The following ZNF385B variants were observed in gnomAD, a reference collection of about 807,000 sequenced individuals.
The protein encoded by ZNF385B is zinc finger protein 533.
A neutral mutation model predicts 39.2 loss-of-function variants in ZNF385B; 23 were observed. That is an observed-to-expected ratio of 0.59 (90% confidence interval 0.42 to 0.83). The LOEUF is 0.83. Among genes scored for constraint, ZNF385B ranks in the 40% least tolerant of loss-of-function variants. The probability of loss-of-function intolerance (pLI) is 0.00; values close to 1 mark genes in which losing one functional copy is unlikely to be tolerated. For missense variants in ZNF385B, 552 were observed against 598.9 expected (o/e 0.92, Z 0.82); for synonymous variants, 205 against 222.6 (o/e 0.92, Z 0.70).
intron 1 of ZNF385B, among the ~76,000 whole-genome samples, chr2:179,772,219 T>C (rs1223834848): frequency 6.6e-6 from 1 of 152,214 alleles, no homozygotes; most frequent in African/African-American, 2.4e-5. Flanking sequence ...GGAAGAAAGA[T>C]ATCTTCCATA....
At chr2:179,595,444 G>A (rs768572375) in intron 3 of ZNF385B, among the ~76,000 whole-genome samples, 8 of 152,068 alleles carry the variant, frequency 5.3e-5, no homozygotes, top group Non-Finnish European at 1.2e-4. Flanking sequence ...GCTAAAATAG[G>A]TCACATGGGC....
intron 5 of ZNF385B, among the ~76,000 whole-genome samples, chr2:179,492,838 G>C (rs2055393108): frequency 6.6e-6 from 1 of 151,986 alleles, no homozygotes; most frequent in Non-Finnish European, 1.5e-5. Context: ...ATAACTAAGA[G>C]AAAATAATGA....
chr2:179,532,125 T>C (rs757813865), intron 4 of ZNF385B, among the ~76,000 whole-genome samples: 7 of 152,230 alleles, frequency 4.6e-5, no homozygotes, highest in African/African-American at 7.2e-5. Flanking sequence ...ATTTGATTTA[T>C]AATTATTCTC....
chr2:179,859,784 G>C (rs1183559031), intron 1 of ZNF385B, among the ~76,000 whole-genome samples: 1 of 152,136 alleles, frequency 6.6e-6, no homozygotes, highest in Non-Finnish European at 1.5e-5. Context: ...TTGCAATGCT[G>C]TATTTTGCAT....
At chr2:179,636,587 C>T (rs3112945) in intron 3 of ZNF385B, among the ~76,000 whole-genome samples, 19,887 of 152,160 alleles carry the variant, frequency 0.13, 2,105 homozygotes, top group African/African-American at 0.29. Context: ...ACACACTTCT[C>T]AGGCCCTCTC....
intron 3 of ZNF385B, among the ~76,000 whole-genome samples, chr2:179,587,871 A>G (rs575166440): frequency 1.3e-4 from 20 of 152,186 alleles, no homozygotes; most frequent in Non-Finnish European, 2.6e-4. Flanking sequence ...TTCTCCTAAT[A>G]ATAAGTCCCG....
intron 5 of ZNF385B, among the ~76,000 whole-genome samples, chr2:179,496,258 G>GA (rs2056191565): frequency 6.6e-6 from 1 of 152,064 alleles, no homozygotes; most frequent in Admixed American, 6.5e-5. Flanking sequence ...TAGTGAGCTT[G>GA]AAAATGGGCT....
At chr2:179,540,569 G>T (rs2059857510) in intron 4 of ZNF385B, among the ~76,000 whole-genome samples, 2 of 152,142 alleles carry the variant, frequency 1.3e-5, no homozygotes, top group Admixed American at 1.3e-4. Context: ...TCTTAGAAGG[G>T]ACTCATAAAT....
chr2:179,737,679 A>G (rs1701847909), intron 3 of ZNF385B, among the ~76,000 whole-genome samples: 1 of 152,250 alleles, frequency 6.6e-6, no homozygotes, highest in South Asian at 2.1e-4. Context: ...ATTTCTGATT[A>G]CATCATATTC....
rs979179277 is a variant in ZNF385B at position 179,617,217 on chromosome 2, G to A, written c.299-72248C>T. ...TCAAATAGAAGACTTCTGAGTCTCC[G>A]GTTAATAATTGATTTAAAAAATATT... On this transcript the variant is annotated intron_variant, in intron 3 of 9. Coordinates refer to ENST00000410066, the MANE Select transcript of ZNF385B (RefSeq NM_152520.6). Among the ~76,000 whole-genome samples, 42 of 152,132 alleles carry A rather than the reference G, an allele frequency of 2.8e-4. 1 individual carries two copies. Among genetic ancestry groups the A allele is most frequent in the African/African-American group, 1.0e-3 (42 of 41,430 alleles).
intron 3 of ZNF385B, among the ~76,000 whole-genome samples, chr2:179,632,120 C>A (rs981737739): frequency 2.6e-5 from 4 of 152,204 alleles, no homozygotes; most frequent in Non-Finnish European, 4.4e-5. Context: ...TAACACCCCA[C>A]TGTCAATATT....
chr2:179,449,145 T>C (rs2049816130), intron 6 of ZNF385B, among the ~76,000 whole-genome samples: 1 of 152,082 alleles, frequency 6.6e-6, no homozygotes, highest in African/African-American at 2.4e-5. Flanking sequence ...ATAAGAAAAT[T>C]ACAGCATAGC....
chr2:179,473,670 C>T (rs750462227), intron 6 of ZNF385B, among the ~76,000 whole-genome samples: 15 of 152,172 alleles, frequency 9.9e-5, no homozygotes, highest in African/African-American at 3.6e-4. Flanking sequence ...TCATCCCCCC[C>T]CATTGCCCCT....
chr2:179,656,195 A>G (rs1693742199), intron 3 of ZNF385B, among the ~76,000 whole-genome samples: 1 of 152,134 alleles, frequency 6.6e-6, no homozygotes, highest in African/African-American at 2.4e-5. Flanking sequence ...ATGTAAAAAG[A>G]TGCAACAAAT....
rs543632612 is a variant in ZNF385B, at chr2:179,449,575, G to C, written c.716-2805C>G. 1.9e-3 allele frequency among the ~76,000 whole-genome samples: 293 copies of C among 152,010 alleles called. 1 individual carries two copies. Among genetic ancestry groups the C allele is most frequent in the African/African-American group, 6.4e-3 (266 of 41,462 alleles). On this transcript the variant is annotated intron_variant, in intron 6 of 9. Transcript: ENST00000410066. ...TGAAGGACCTCTTCAAGGAGAACTA[G>C]AAACCACTGCTCAATGAAATAAAAG...
intron 3 of ZNF385B, among the ~76,000 whole-genome samples, chr2:179,632,726 A>G (rs1386065327): frequency 6.6e-6 from 1 of 152,196 alleles, no homozygotes; most frequent in Non-Finnish European, 1.5e-5. Context: ...AGAGATGGAG[A>G]CACAAAAAAA....
At chr2:179,663,567 G>A (rs866364142) in intron 3 of ZNF385B, among the ~76,000 whole-genome samples, 1 of 151,950 alleles carries the variant, frequency 6.6e-6, no homozygotes, top group African/African-American at 2.4e-5. Context: ...AAAATTAGAC[G>A]GGCGTGGTGG....
At chr2:179,633,232 C>A (rs373974591) in intron 3 of ZNF385B, among the ~76,000 whole-genome samples, 2 of 152,160 alleles carry the variant, frequency 1.3e-5, no homozygotes, top group African/African-American at 4.8e-5. Context: ...ATACCAAAGT[C>A]TGGCAGAGAC....
rs547738843 is a variant in ZNF385B at position 179,533,161 on chromosome 2, C to A, written c.441+11666G>T. 4.0e-4 allele frequency among the ~76,000 whole-genome samples: 61 copies of A among 152,250 alleles called. 2 individuals carry two copies. The South Asian group carries it at 0.013, about 32-fold the overall frequency. On this transcript the variant is annotated intron_variant, in intron 4 of 9. Transcript: ENST00000410066. ...GAAGCTACTCATCCATTAAAGGGGC[C>A]AGGCCTGTGAGGCAGCAGCACTCTC...
Sources: gnomAD v4.1 joint callset for allele counts (sites outside exome capture counted in the v4.1 genomes callset) on GRCh38, gnomAD v4.1.1 for gene constraint, MANE v1.5 for transcripts, NCBI Gene and HGNC (gene_info 2026-07-23, HGNC 2026-07-21) for gene names.